Variants in FRMD4A observed in about 807,000 individuals in gnomAD.
FRMD4A encodes FERM domain containing 4A, also known as FERM domain-containing protein 4A.
A neutral mutation model predicts 129.1 loss-of-function variants in FRMD4A; 29 were observed. The observed-to-expected ratio is 0.22, with a 90% CI of 0.17 to 0.31. The LOEUF is 0.31. Ranked by LOEUF, FRMD4A falls within the 10% of genes least tolerant of loss-of-function variation. FRMD4A has a pLI of 1.00. For missense variants in FRMD4A, 1,272 were observed against 1,375.8 expected (o/e 0.92, Z 1.19); for synonymous variants, 634 against 571.6 (o/e 1.11, Z -1.56).
intron 3 of FRMD4A, among the ~76,000 whole-genome samples, chr10:13,828,087 T>G (rs537490085): frequency 1.3e-5 from 2 of 152,332 alleles, no homozygotes; most frequent in South Asian, 2.1e-4. Context: ...CCTACCACAT[T>G]TCCATCTTTT....
intron 3 of FRMD4A, among the ~76,000 whole-genome samples, chr10:13,822,637 G>T (rs1208354156): frequency 1.3e-5 from 2 of 152,154 alleles, no homozygotes; most frequent in Non-Finnish European, 2.9e-5. Flanking sequence ...CAGAGACTGC[G>T]GTGCTGCACA....
chr10:14,303,859 T>C (rs1020870087), intron 2 of FRMD4A, among the ~76,000 whole-genome samples: 13 of 152,234 alleles, frequency 8.5e-5, no homozygotes, highest in African/African-American at 2.4e-4. Flanking sequence ...TACATTCTAG[T>C]TCCTCTTATA....
chr10:14,156,660 A>G (rs1840618322), intron 2 of FRMD4A, among the ~76,000 whole-genome samples: 2 of 152,164 alleles, frequency 1.3e-5, no homozygotes, highest in African/African-American at 4.8e-5. Flanking sequence ...TACCCTTCGT[A>G]TGTTTCTGAA....
At chr10:14,013,436 T>G (rs1459560056) in intron 2 of FRMD4A, among the ~76,000 whole-genome samples, 3 of 151,992 alleles carry the variant, frequency 2.0e-5, no homozygotes, top group Non-Finnish European at 4.4e-5. Context: ...ACCTCCAGGC[T>G]GTAGGAGGAG....
chr10:14,154,276 G>C (rs1277328213), intron 2 of FRMD4A, among the ~76,000 whole-genome samples: 1 of 152,112 alleles, frequency 6.6e-6, no homozygotes. Flanking sequence ...AGCTGAAGAC[G>C]AGTGAATTAC....
At chr10:13,846,151 T>A (rs1381004957) in intron 3 of FRMD4A, among the ~76,000 whole-genome samples, 1 of 152,220 alleles carries the variant, frequency 6.6e-6, no homozygotes, top group African/African-American at 2.4e-5. Context: ...TTCAATTAGC[T>A]AATATGATGA....
intron 2 of FRMD4A, among the ~76,000 whole-genome samples, chr10:14,305,549 T>C (rs571098579): frequency 2.0e-5 from 3 of 152,274 alleles, no homozygotes; most frequent in African/African-American, 7.2e-5. Context: ...CAAGGCAATC[T>C]TTAAGGCCAG....
intron 6 of FRMD4A, among the ~76,000 whole-genome samples, chr10:13,770,034 ATAT>A (rs965730290): frequency 2.0e-5 from 3 of 152,054 alleles, no homozygotes; most frequent in Non-Finnish European, 1.5e-5. Flanking sequence ...GTATATCTAT[ATAT>A]ATCCTATCGG....
chr10:13,937,249 T>G (rs2095256370), intron 2 of FRMD4A, among the ~76,000 whole-genome samples: 1 of 152,166 alleles, frequency 6.6e-6, no homozygotes, highest in South Asian at 2.1e-4. Context: ...CTCAGGTGGG[T>G]GGTGAAGGAT....
chr10:14,023,255 G>A (rs1317064407), intron 2 of FRMD4A, among the ~76,000 whole-genome samples: 2 of 152,014 alleles, frequency 1.3e-5, no homozygotes, highest in Non-Finnish European at 2.9e-5. Flanking sequence ...CCCACACCCA[G>A]CCCTGGGAAG....
rs553775572 is a variant in FRMD4A at position 13,968,403 on chromosome 10, T to C, written c.46-109491A>G. On this transcript the variant is annotated intron_variant, in intron 2 of 24. Transcript: ENST00000357447. ...ATACAATATTTCAACAAAAACAACA[T>C]TTCACATTTGTATCTTTCTTAGTCT... Among the ~76,000 whole-genome samples the C allele has an allele frequency of 1.4e-4, 22 of 152,328 alleles. 2 individuals are homozygous for C. In the South Asian group the frequency reaches 4.4e-3, roughly 30 times the overall value.
chr10:13,830,526 A>G (rs1190247491), intron 3 of FRMD4A, among the ~76,000 whole-genome samples: 2 of 152,232 alleles, frequency 1.3e-5, no homozygotes, highest in South Asian at 2.1e-4. Flanking sequence ...CTATGGTTTT[A>G]ACAGAGAAGG....
chr10:13,748,540 C>G (rs7476046), intron 8 of FRMD4A, among the ~76,000 whole-genome samples: 1 of 152,082 alleles, frequency 6.6e-6, no homozygotes, highest in African/African-American at 2.4e-5. Flanking sequence ...CAAAAAGTTT[C>G]TGAGTTTGGA....
chr10:13,682,898 A>G (rs1308703428), intron 15 of FRMD4A, among the ~76,000 whole-genome samples: 1 of 151,936 alleles, frequency 6.6e-6, no homozygotes, highest in Non-Finnish European at 1.5e-5. Flanking sequence ...TTGCATAAAA[A>G]CTCAACACGG....
At chr10:13,848,609 C>CGTGTGTGTGTGTGTGT (rs59271113) in intron 3 of FRMD4A, among the ~76,000 whole-genome samples, 11 of 124,070 alleles carry the variant, frequency 8.9e-5, no homozygotes, top group East Asian at 2.2e-4. Flanking sequence ...TGTGTGTGTA[C>CGTGTGTGTGTGTGTGT]GTGTGTGTGT....
rs1207471495 is a variant in FRMD4A at position 13,714,059 on chromosome 10, T to TATATATATATATATATATATATAA, written c.760-6947_760-6946insTTATATATATATATATATATATAT. On this transcript the variant is annotated intron_variant, in intron 12 of 24. Coordinates refer to ENST00000357447, the MANE Select transcript of FRMD4A (RefSeq NM_018027.5). ...ATATATATATATATATATATATATA[T>TATATATATATATATATATATATAA]AAAATATACTTTTTTTTTGAGACAC... 1.8e-3 allele frequency among the ~76,000 whole-genome samples: 185 copies of TATATATATATATATATATATATAA among 101,250 alleles called. 13 individuals are homozygous for TATATATATATATATATATATATAA. Among genetic ancestry groups the TATATATATATATATATATATATAA allele is most frequent in the Non-Finnish European group, 2.7e-3 (135 of 49,422 alleles). The allele number at this position is 101,250 out of a possible 152,430, so 66.4% of individuals were successfully genotyped here.
intron 3 of FRMD4A, among the ~76,000 whole-genome samples, chr10:13,839,795 G>C (rs187262078): frequency 2.0e-5 from 3 of 152,332 alleles, no homozygotes; most frequent in African/African-American, 4.8e-5. Context: ...CCTAACACCA[G>C]AGTGATGACT....
chr10:13,806,410 G>T (rs1321524426), intron 4 of FRMD4A, among the ~76,000 whole-genome samples: 1 of 152,160 alleles, frequency 6.6e-6, no homozygotes, highest in Non-Finnish European at 1.5e-5. Context: ...GAAAATCTCA[G>T]TTACCCTATT....
intron 2 of FRMD4A, among the ~76,000 whole-genome samples, chr10:13,991,292 G>A (rs1314715990): frequency 4.6e-5 from 7 of 152,208 alleles, no homozygotes; most frequent in Non-Finnish European, 1.0e-4. Flanking sequence ...AACCAGCAAA[G>A]CCTCTTTTCC....
Sources: gnomAD v4.1 joint callset for allele counts (sites outside exome capture counted in the v4.1 genomes callset) on GRCh38, gnomAD v4.1.1 for gene constraint, MANE v1.5 for transcripts, NCBI Gene and HGNC (gene_info 2026-07-23, HGNC 2026-07-21) for gene names.